Variants in TMTC2 observed in about 807,000 individuals in gnomAD.
TMTC2 encodes protein O-mannosyl-transferase TMTC2.
In TMTC2, 43 loss-of-function variants were observed where a neutral mutation model predicts 82.4. The ratio of observed to expected loss-of-function variants is 0.52; its 90% confidence interval spans 0.41 to 0.67. TMTC2 has a LOEUF of 0.67. TMTC2 is among the 30% of genes least tolerant of loss of function. The pLI is 0.00. For missense variants in TMTC2, 919 were observed against 1,012.4 expected (o/e 0.91, Z 1.25); for synonymous variants, 408 against 381.9 (o/e 1.07, Z -0.80).
At chr12:82,795,780 A>G (rs1248275498) in intron 1 of TMTC2, among the ~76,000 whole-genome samples, 2 of 152,160 alleles carry the variant, frequency 1.3e-5, no homozygotes, top group Non-Finnish European at 2.9e-5. Context: ...AGCCCTCACC[A>G]GACAACCACA....
intron 3 of TMTC2, among the ~76,000 whole-genome samples, chr12:82,919,317 CTTA>C (rs1351466931): frequency 6.6e-6 from 1 of 152,312 alleles, no homozygotes; most frequent in African/African-American, 2.4e-5. Flanking sequence ...CCAGTCACTT[CTTA>C]TTAGGACCTA....
chr12:82,793,534 A>G (rs1406548710), intron 1 of TMTC2, among the ~76,000 whole-genome samples: 2 of 152,154 alleles, frequency 1.3e-5, no homozygotes, highest in African/African-American at 2.4e-5. Flanking sequence ...ATGTAGAAGA[A>G]CATGCTTTCA....
chr12:82,932,067 T>C (rs1296163789), intron 4 of TMTC2, among the ~76,000 whole-genome samples: 2 of 152,212 alleles, frequency 1.3e-5, no homozygotes, highest in Non-Finnish European at 2.9e-5. Context: ...TAAACTAATC[T>C]GTAAACTTTT....
rs781746517 is a variant in TMTC2 at position 82,965,755 on chromosome 12, T to C, written c.1869+11T>C. On this transcript the variant is annotated intron_variant, in intron 6 of 11. Coordinates refer to ENST00000321196, the MANE Select transcript of TMTC2 (RefSeq NM_152588.3). ...CAGGGACACTATGAGGTCTGGCCAATGCCTCTCTGTCCTTTTCCCTCCCCC... is the reference window on the plus strand; with the variant it reads ...CAGGGACACTATGAGGTCTGGCCAACGCCTCTCTGTCCTTTTCCCTCCCCC... 1.9e-6 allele frequency: 3 copies of C among 1,613,382 alleles called. No individual in the cohort carries two copies. The highest frequency in any genetic ancestry group is 2.5e-6 in the Non-Finnish European group (3 of 1,179,776).
At chr12:83,102,158 A>C (rs1884240904) in intron 11 of TMTC2, among the ~76,000 whole-genome samples, 1 of 152,196 alleles carries the variant, frequency 6.6e-6, no homozygotes, top group Admixed American at 6.5e-5. Flanking sequence ...CCCACATCAG[A>C]AAAAGTTTCG....
chr12:83,022,801 A>G (rs1236320767), intron 8 of TMTC2, among the ~76,000 whole-genome samples: 1 of 152,188 alleles, frequency 6.6e-6, no homozygotes. Flanking sequence ...CAATTAAGAA[A>G]ATGTTATTAG....
chr12:82,963,332 G>A, intron 4 of TMTC2, among the ~76,000 whole-genome samples: 1 of 151,916 alleles, frequency 6.6e-6, no homozygotes, highest in Non-Finnish European at 1.5e-5. Context: ...GAAGATATTG[G>A]ACAAAGAGGG....
chr12:82,911,625 T>C (rs1251178142), intron 3 of TMTC2, among the ~76,000 whole-genome samples: 1 of 152,058 alleles, frequency 6.6e-6, no homozygotes, highest in Non-Finnish European at 1.5e-5. Context: ...TTTTTTGAGA[T>C]GGCGTCTTGC....
intron 1 of TMTC2, among the ~76,000 whole-genome samples, chr12:82,798,097 A>C (rs563051751): frequency 2.0e-5 from 3 of 150,832 alleles, no homozygotes; most frequent in African/African-American, 7.3e-5. Context: ...CTAAGGCTAC[A>C]AGCACCTGCC....
intron 1 of TMTC2, among the ~76,000 whole-genome samples, chr12:82,819,560 G>A (rs1237496305): frequency 1.4e-5 from 2 of 141,904 alleles, no homozygotes; most frequent in East Asian, 4.3e-4. Flanking sequence ...GGAGTGCAAT[G>A]GCATGATCTC....
intron 1 of TMTC2, among the ~76,000 whole-genome samples, chr12:82,768,421 G>C (rs966270766): frequency 1.3e-5 from 2 of 152,218 alleles, no homozygotes; most frequent in African/African-American, 4.8e-5. Flanking sequence ...GGCTGTGTGT[G>C]TGTTGGGCCT....
chr12:83,080,458 T>C (rs1305964158), intron 11 of TMTC2, among the ~76,000 whole-genome samples: 1 of 152,162 alleles, frequency 6.6e-6, no homozygotes, highest in Non-Finnish European at 1.5e-5. Flanking sequence ...CACGATAATG[T>C]TGGATACCAT....
chr12:83,092,356 T>G (rs1883873197), intron 11 of TMTC2, among the ~76,000 whole-genome samples: 1 of 152,192 alleles, frequency 6.6e-6, no homozygotes, highest in African/African-American at 2.4e-5. Flanking sequence ...CACAGCTGAT[T>G]GCAAGCATGT....
chr12:82,817,235 C>G (rs893950333), intron 1 of TMTC2, among the ~76,000 whole-genome samples: 2 of 152,052 alleles, frequency 1.3e-5, no homozygotes, highest in African/African-American at 4.8e-5. Context: ...TGCCAAAGTG[C>G]TGGGATTACA....
In TMTC2 at chr12:83,009,639, T is replaced by C. The variant is rs191114482; in HGVS notation, c.2071-21159T>C. Among the ~76,000 whole-genome samples, 863 of 152,130 alleles carry C rather than the reference T, an allele frequency of 5.7e-3. 5 individuals carry two copies. The highest frequency in any genetic ancestry group is 0.019 in the African/African-American group (806 of 41,390). ...TTTATGACAATTTAGATTTCCTTTT[T>C]CCCCCAAAAAAACACTGCGAGAACT... On this transcript the variant is annotated intron_variant, in intron 8 of 11. Transcript: ENST00000321196.
intron 1 of TMTC2, among the ~76,000 whole-genome samples, chr12:82,727,112 A>C (rs1038578506): frequency 6.6e-6 from 1 of 151,904 alleles, no homozygotes; most frequent in African/African-American, 2.4e-5. Context: ...TAATTGAAAA[A>C]AAAAACAACC....
intron 8 of TMTC2, among the ~76,000 whole-genome samples, chr12:83,014,672 C>A (rs1221762354): frequency 6.6e-6 from 1 of 152,084 alleles, no homozygotes; most frequent in Non-Finnish European, 1.5e-5. Context: ...CCATGTACAT[C>A]TATGGTTTGC....
At chr12:83,102,274 A>C (rs752160211) in intron 11 of TMTC2, among the ~76,000 whole-genome samples, 1 of 152,230 alleles carries the variant, frequency 6.6e-6, no homozygotes, top group Non-Finnish European at 1.5e-5. Context: ...TCTTTCTATA[A>C]GTGAAGAAAG....
intron 3 of TMTC2, among the ~76,000 whole-genome samples, chr12:82,898,298 A>C (rs913070054): frequency 1.3e-5 from 2 of 152,228 alleles, no homozygotes; most frequent in African/African-American, 2.4e-5. Flanking sequence ...AATAATTATC[A>C]GCTAGTTTTT....
Sources: gnomAD v4.1 joint callset for allele counts (sites outside exome capture counted in the v4.1 genomes callset) on GRCh38, gnomAD v4.1.1 for gene constraint, MANE v1.5 for transcripts, NCBI Gene and HGNC (gene_info 2026-07-23, HGNC 2026-07-21) for gene names.